The following CREB5 variants were observed in gnomAD, a reference collection of about 807,000 sequenced individuals.
CREB5 encodes the protein cAMP responsive element binding protein 5.
CREB5 carries 19 observed loss-of-function variants against 57.1 expected under a neutral mutation model. That is an observed-to-expected ratio of 0.33 (90% CI 0.23 to 0.49). The LOEUF (loss-of-function observed/expected upper bound fraction) is 0.49, where lower values mean the gene tolerates loss of function less well. Ranked by LOEUF, CREB5 falls within the 20% of genes least tolerant of loss-of-function variation. The probability of loss-of-function intolerance (pLI) is 0.99; values close to 1 mark genes in which losing one functional copy is unlikely to be tolerated. For synonymous variants in CREB5, 238 were observed against 238.3 expected (o/e 1.00, Z 0.01); for missense variants, 579 against 671.6 (o/e 0.86, Z 1.52).
chr7:28,301,042 G>C (rs1012665416), intron 1 of CREB5, among the ~76,000 whole-genome samples: 4 of 152,146 alleles, frequency 2.6e-5, no homozygotes, highest in Non-Finnish European at 4.4e-5. Flanking sequence ...GATTTAATTG[G>C]TTCACAGTAG....
chr7:28,540,178 C>G (rs1276152977), intron 4 of CREB5, among the ~76,000 whole-genome samples: 1 of 152,130 alleles, frequency 6.6e-6, no homozygotes, highest in Non-Finnish European at 1.5e-5. Context: ...TTTCAAAGGG[C>G]CTAGTATAAT....
At chr7:28,480,685 C>T (rs548570136) in intron 1 of CREB5, among the ~76,000 whole-genome samples, 1 of 152,176 alleles carries the variant, frequency 6.6e-6, no homozygotes, top group Non-Finnish European at 1.5e-5. Flanking sequence ...GTTAACCACA[C>T]ACATGTCAAA....
intron 5 of CREB5, among the ~76,000 whole-genome samples, chr7:28,675,417 C>T (rs16874651): frequency 0.027 from 4,164 of 152,224 alleles, 141 homozygotes; most frequent in East Asian, 0.12. Context: ...GAACTTATGA[C>T]TTTGGTTTTC....
intron 5 of CREB5, among the ~76,000 whole-genome samples, chr7:28,652,639 G>A (rs557404174): frequency 1.3e-5 from 2 of 152,302 alleles, no homozygotes; most frequent in South Asian, 2.1e-4. Context: ...CTGCAGTAAC[G>A]TTGTGAGAGT....
At chr7:28,383,421 T>C (rs1353115427) in intron 1 of CREB5, among the ~76,000 whole-genome samples, 1 of 151,680 alleles carries the variant, frequency 6.6e-6, no homozygotes, top group Non-Finnish European at 1.5e-5. Flanking sequence ...AGAAAAGAGG[T>C]TTAATTGGCT....
intron 1 of CREB5, among the ~76,000 whole-genome samples, chr7:28,332,021 T>C (rs1412007209): frequency 2.6e-5 from 4 of 152,138 alleles, no homozygotes; most frequent in Non-Finnish European, 5.9e-5. Context: ...CTTGGAATGA[T>C]ACCATCCTGG....
intron 1 of CREB5, among the ~76,000 whole-genome samples, chr7:28,453,827 A>C (rs541766163): frequency 6.6e-6 from 1 of 152,252 alleles, no homozygotes; most frequent in Non-Finnish European, 1.5e-5. Context: ...ATGAAACAAA[A>C]TAAAATCTTT....
rs2190305 is a variant in CREB5, at chr7:28,819,833, A to G, written c.*554A>G. 127,278 of 151,728 alleles carry G rather than the reference A, an allele frequency of 0.84. 54,192 individuals carry two copies. Among genetic ancestry groups the G allele is most frequent in the African/African-American group, 0.95 (39,127 of 41,396 alleles). 9.4% of individuals were successfully genotyped at this position (151,728 alleles called of 1,614,324 possible). A position where few individuals can be genotyped will look rare whatever the true frequency, so the allele number is the denominator to read the frequency against. On this transcript the variant is annotated 3_prime_UTR_variant, in exon 11 of 11. Transcript: ENST00000357727. The stretch of plus-strand genomic sequence containing the variant: ...CCATTGATGTCCAAATAATACCACC[A>G]AGCATCTCTTCACCTCTCCTCCTCT...
In CREB5 at chr7:28,348,369, TTCTCTCTCTCTCTG is replaced by T. The variant is rs1246182044; in HGVS notation, c.-25+48955_-25+48968del. 4.6e-4 allele frequency among the ~76,000 whole-genome samples: 57 copies of T among 123,362 alleles called. 1 individual carries two copies. The South Asian group carries it at 0.016, about 34-fold the overall frequency. The allele number at this position is 123,362 out of a possible 152,430, so 80.9% of individuals were successfully genotyped here. A position where few individuals can be genotyped will look rare whatever the true frequency, so the allele number is the denominator to read the frequency against. On this transcript the variant is annotated intron_variant, in intron 1 of 9. Transcript: ENST00000396299. ...AAATGATGATCAACATGCGCCTGCT[TTCTCTCTCTCTCTG>T]TCTCTCTCTCTCTGTCTCTCTCTCT... is the stretch of plus-strand genomic sequence containing the variant.
At chr7:28,766,150 A>G (rs1259993354) in intron 7 of CREB5, among the ~76,000 whole-genome samples, 1 of 152,160 alleles carries the variant, frequency 6.6e-6, no homozygotes, top group African/African-American at 2.4e-5. Flanking sequence ...ATGAGAACTC[A>G]TTACATATAA....
At chr7:28,480,218 G>A (rs1423901276) in intron 1 of CREB5, among the ~76,000 whole-genome samples, 1 of 152,190 alleles carries the variant, frequency 6.6e-6, no homozygotes, top group Non-Finnish European at 1.5e-5. Context: ...TTGGGAACGT[G>A]TTCCAATTCT....
intron 7 of CREB5, among the ~76,000 whole-genome samples, chr7:28,745,934 T>C (rs1051130341): frequency 2.0e-5 from 3 of 152,170 alleles, no homozygotes; most frequent in African/African-American, 7.2e-5. Context: ...AACACGCACT[T>C]CCTCCAAGAA....
intron 5 of CREB5, among the ~76,000 whole-genome samples, chr7:28,714,622 T>G (rs1236175127): frequency 6.6e-6 from 1 of 152,244 alleles, no homozygotes; most frequent in East Asian, 1.9e-4. Flanking sequence ...AATCGCTTGC[T>G]GCGGTGCCTA....
intron 1 of CREB5, among the ~76,000 whole-genome samples, chr7:28,480,035 C>A (rs895805453): frequency 1.4e-4 from 20 of 144,222 alleles, no homozygotes; most frequent in African/African-American, 4.1e-4. Flanking sequence ...TCCCCCCCCC[C>A]ACATTATCCA....
intron 1 of CREB5, among the ~76,000 whole-genome samples, chr7:28,487,954 T>C (rs937218373): frequency 6.6e-6 from 1 of 152,186 alleles, no homozygotes; most frequent in African/African-American, 2.4e-5. Flanking sequence ...ACAGTCAGTA[T>C]GCACTCGAGT....
chr7:28,390,435 T>C (rs1308778143), intron 1 of CREB5, among the ~76,000 whole-genome samples: 1 of 152,212 alleles, frequency 6.6e-6, no homozygotes, highest in Non-Finnish European at 1.5e-5. Context: ...AGAAATGAAA[T>C]ATGTTACTGA....
chr7:28,377,087 AG>A (rs1786846654), intron 1 of CREB5, among the ~76,000 whole-genome samples: 1 of 152,190 alleles, frequency 6.6e-6, no homozygotes, highest in Non-Finnish European at 1.5e-5. Flanking sequence ...ATCCGATGAC[AG>A]GCATTTTTAC....
chr7:28,593,351 C>T (rs1488025860), intron 5 of CREB5, among the ~76,000 whole-genome samples: 5 of 152,182 alleles, frequency 3.3e-5, no homozygotes, highest in Admixed American at 6.5e-5. Flanking sequence ...TGGGTTCAAG[C>T]GGTTCTCCTG....
At position 28,746,181 on chromosome 7, in the gene CREB5, C is replaced by T. The variant is rs146065804; in HGVS notation, c.702+21849C>T. 2.1e-3 allele frequency among the ~76,000 whole-genome samples: 325 copies of T among 152,256 alleles called. 1 individual carries two copies. Among genetic ancestry groups the T allele is most frequent in the African/African-American group, 7.1e-3 (295 of 41,546 alleles). The stretch of plus-strand genomic sequence containing the variant: ...GCAATGAGCCCCCTTTTTAGTATTA[C>T]GTGAAAGTTCCACCATTAATATTAG... On this transcript the variant is annotated intron_variant, in intron 7 of 10. Transcript: ENST00000357727.
Sources: gnomAD v4.1 joint callset for allele counts (sites outside exome capture counted in the v4.1 genomes callset) on GRCh38, gnomAD v4.1.1 for gene constraint, MANE v1.5 for transcripts, NCBI Gene and HGNC (gene_info 2026-07-23, HGNC 2026-07-21) for gene names.